Variants in ZFPM2 observed in about 807,000 individuals in gnomAD.
The protein encoded by ZFPM2 is zinc finger protein ZFPM2.
A neutral mutation model predicts 98.6 loss-of-function variants in ZFPM2; 20 were observed. The observed-to-expected ratio is 0.20, with a 90% CI of 0.14 to 0.29. The LOEUF is 0.29. ZFPM2 is among the 10% of genes least tolerant of loss of function. The probability of loss-of-function intolerance (pLI) is 1.00; values close to 1 mark genes in which losing one functional copy is unlikely to be tolerated. For synonymous variants in ZFPM2, 518 were observed against 502.7 expected, an observed-to-expected ratio of 1.03 and a Z score of -0.41; for missense variants, 1,310 against 1,388.6, an observed-to-expected ratio of 0.94 and a Z score of 0.90.
intron 1 of ZFPM2, among the ~76,000 whole-genome samples, chr8:105,361,196 G>A (rs1183570504): frequency 9.0e-6 from 1 of 111,048 alleles, no homozygotes; most frequent in Non-Finnish European, 1.9e-5. Flanking sequence ...TCTCATTGTG[G>A]TTTTGATTTG....
chr8:105,593,204 A>G (rs1335672909), intron 4 of ZFPM2, among the ~76,000 whole-genome samples: 1 of 152,124 alleles, frequency 6.6e-6, no homozygotes, highest in Non-Finnish European at 1.5e-5. Flanking sequence ...GTATATGTAC[A>G]CATAAATTAT....
rs548315788 is a variant in ZFPM2 at position 105,339,809 on chromosome 8, A to G, written c.40+20828A>G. ...ATATTCTCTCTCTCGCTCTGCTTTA[A>G]TTTAATTTTTAAAAACAATATTCTT... On this transcript the variant is annotated intron_variant, in intron 1 of 7. Coordinates refer to ENST00000407775, the MANE Select transcript of ZFPM2 (RefSeq NM_012082.4). Among the ~76,000 whole-genome samples, 34 of 151,996 alleles carry G rather than the reference A, an allele frequency of 2.2e-4. 1 individual carries two copies. Among genetic ancestry groups the G allele is most frequent in the South Asian group, 1.2e-3 (6 of 4,828 alleles).
chr8:105,664,349 G>GTA (rs1817450152), intron 5 of ZFPM2, among the ~76,000 whole-genome samples: 1 of 151,846 alleles, frequency 6.6e-6, no homozygotes, highest in Non-Finnish European at 1.5e-5. Flanking sequence ...GTGTGTGTGT[G>GTA]TGTGTGTGTG....
rs766513332 is a variant in ZFPM2, at chr8:105,801,367, A to G, written c.1285A>G (p.Thr429Ala). The part of the protein sequence containing the change: ...ELPQSQKAMQ[T>A]KDASSDTELD... ...TCCCCAGAGCCAAAAGGCCATGCAG[A>G]CTAAAGATGCGAGCTCTGACACAGA... is the stretch of plus-strand genomic sequence containing the variant. Residue 429 changes from threonine to alanine, a missense_variant, in exon 8 of 8, where the codon ACT becomes GCT. Coordinates refer to ENST00000407775, the MANE Select transcript of ZFPM2 (RefSeq NM_012082.4). The G allele has an allele frequency of 6.2e-7, 1 of 1,613,968 alleles. No homozygotes were observed. Among genetic ancestry groups the G allele is most frequent in the Non-Finnish European group, 8.5e-7 (1 of 1,179,874 alleles).
intron 4 of ZFPM2, among the ~76,000 whole-genome samples, chr8:105,570,344 T>C (rs1254562469): frequency 1.3e-5 from 2 of 152,112 alleles, no homozygotes; most frequent in East Asian, 3.9e-4. Context: ...GGAGGGGGAT[T>C]ACTCAGGGAA....
At chr8:105,611,610 A>G (rs1159449521) in intron 4 of ZFPM2, among the ~76,000 whole-genome samples, 1 of 152,146 alleles carries the variant, frequency 6.6e-6, no homozygotes, top group Non-Finnish European at 1.5e-5. Context: ...AGAAGGCTGA[A>G]GAGTACAAAA....
intron 1 of ZFPM2, among the ~76,000 whole-genome samples, chr8:105,408,555 T>A (rs1811512477): frequency 6.6e-6 from 1 of 151,862 alleles, no homozygotes; most frequent in Non-Finnish European, 1.5e-5. Context: ...CCCCTAAAGA[T>A]GAAAGAGATC....
At chr8:105,742,338 A>G (rs578004728) in intron 5 of ZFPM2, among the ~76,000 whole-genome samples, 16 of 149,764 alleles carry the variant, frequency 1.1e-4, no homozygotes, top group African/African-American at 3.9e-4. Flanking sequence ...TGATCATACC[A>G]TTGCACTCCA....
chr8:105,422,471 T>G (rs1206551139), intron 2 of ZFPM2, among the ~76,000 whole-genome samples: 1 of 152,114 alleles, frequency 6.6e-6, no homozygotes, highest in Non-Finnish European at 1.5e-5. Context: ...AATAATATCT[T>G]GGGTTCATTA....
intron 3 of ZFPM2, among the ~76,000 whole-genome samples, chr8:105,515,732 C>CT (rs142466952): frequency 0.058 from 8,853 of 152,012 alleles, 304 homozygotes; most frequent in East Asian, 0.17. Flanking sequence ...CTACTTTGGG[C>CT]TTTAGACTTA....
intron 1 of ZFPM2, among the ~76,000 whole-genome samples, chr8:105,393,381 T>TCTTTTTCTTTCTTTCTTTCTTTCTTTC (rs1811155791): frequency 1.5e-5 from 2 of 130,784 alleles, no homozygotes; most frequent in African/African-American, 5.8e-5. Flanking sequence ...TTTCTTTCTT[T>TCTTTTTCTTTCTTTCTTTCTTTCTTTC]CTTTCTTTCT....
intron 5 of ZFPM2, among the ~76,000 whole-genome samples, chr8:105,679,200 G>A (rs374188053): frequency 6.6e-6 from 1 of 152,154 alleles, no homozygotes; most frequent in African/African-American, 2.4e-5. Context: ...TTCAGAAGAT[G>A]TTATACCTTA....
At chr8:105,437,399 AG>A (rs1812141632) in intron 2 of ZFPM2, among the ~76,000 whole-genome samples, 1 of 152,192 alleles carries the variant, frequency 6.6e-6, no homozygotes, top group African/African-American at 2.4e-5. Context: ...CTGATTTGGC[AG>A]TTAAGTGACA....
chr8:105,534,059 C>A (rs1391826915), intron 3 of ZFPM2, among the ~76,000 whole-genome samples: 1 of 52,274 alleles, frequency 1.9e-5, no homozygotes, highest in Non-Finnish European at 3.6e-5. Context: ...TCCCTTCCTC[C>A]CTCCCTTCCT....
At chr8:105,787,912 ATAGT>A (rs796111678) in intron 5 of ZFPM2, among the ~76,000 whole-genome samples, 1 of 152,214 alleles carries the variant, frequency 6.6e-6, no homozygotes, top group East Asian at 1.9e-4. Flanking sequence ...ATGTACTTGC[ATAGT>A]TAATTTTTCT....
intron 5 of ZFPM2, 26 bp from the exon 6 acceptor site, chr8:105,788,688 TTTTA>T: frequency 1.9e-6 from 3 of 1,604,128 alleles, no homozygotes. Context: ...CCTATGTCAA[TTTTA>T]TCTTTTTCTT....
At chr8:105,511,577 C>CT (rs1813818382) in intron 3 of ZFPM2, among the ~76,000 whole-genome samples, 1 of 152,174 alleles carries the variant, frequency 6.6e-6, no homozygotes, top group South Asian at 2.1e-4. Flanking sequence ...AATTTAGACA[C>CT]TTTCTGAACT....
chr8:105,747,103 C>G (rs1284295421), intron 5 of ZFPM2, among the ~76,000 whole-genome samples: 1 of 151,942 alleles, frequency 6.6e-6, no homozygotes, highest in Non-Finnish European at 1.5e-5. Flanking sequence ...AGGATGCAGA[C>G]TAATGCACAC....
At chr8:105,335,826 C>G (rs1812314945) in intron 1 of ZFPM2, among the ~76,000 whole-genome samples, 1 of 151,772 alleles carries the variant, frequency 6.6e-6, no homozygotes, top group South Asian at 2.1e-4. Context: ...TTACTAGGAT[C>G]CATCTTCAGA....
Sources: allele counts gnomAD v4.1 joint callset (sites outside exome capture counted in the v4.1 genomes callset), GRCh38; gene constraint gnomAD v4.1.1; transcripts MANE v1.5; gene names NCBI Gene and HGNC (gene_info 2026-07-23, HGNC 2026-07-21).